The following ITGAX variants were observed in gnomAD, a reference collection of about 807,000 sequenced individuals.
The protein encoded by ITGAX is integrin alpha-X.
Under a neutral mutation model 140.2 loss-of-function variants are expected in ITGAX, and 99 were observed. The observed-to-expected ratio is 0.71, with a 90% CI of 0.60 to 0.83. The LOEUF (loss-of-function observed/expected upper bound fraction) is 0.83. ITGAX is among the 40% of genes least tolerant of loss of function. The probability of loss-of-function intolerance (pLI) is 0.00; values close to 1 mark genes in which losing one functional copy is unlikely to be tolerated. For synonymous variants in ITGAX, 631 were observed against 600.4 expected (o/e 1.05, Z -0.75); for missense variants, 1,444 against 1,482.0 (o/e 0.97, Z 0.42).
At chr16:31,377,345 C>G (rs2081030194) in intron 23 of ITGAX, 80 bp downstream of exon 23, 1 of 1,144,578 alleles carries the variant, frequency 8.7e-7, no homozygotes, top group African/African-American at 1.6e-5. Flanking sequence ...CCTTGAAACG[C>G]TGCCACAGAG....
intron 9 of ITGAX, 40 bp from the exon 10 acceptor site, chr16:31,361,795 CG>C (rs2080828854): frequency 6.2e-7 from 1 of 1,602,646 alleles, no homozygotes; most frequent in Non-Finnish European, 8.5e-7. Context: ...TGGCAAAGCC[CG>C]TCTCCCTCCC....
chr16:31,364,033 C>G (rs1157681182), intron 14 of ITGAX, among the ~76,000 whole-genome samples: 1 of 152,108 alleles, frequency 6.6e-6, no homozygotes, highest in South Asian at 2.1e-4. Context: ...CCACCAAATG[C>G]CCATCCCTGC....
rs1475516597 is a variant in ITGAX, at chr16:31,363,029, A to G, written c.1454A>G (p.Glu485Gly). 1 of 1,556,348 alleles carries G rather than the reference A, an allele frequency of 6.4e-7. No individual in the cohort carries two copies. Among genetic ancestry groups the G allele is most frequent in the Non-Finnish European group, 8.7e-7 (1 of 1,149,908 alleles). ...LVLIGAPHYYEQTRGGQVSVC... is the reference protein window; with the variant it reads ...LVLIGAPHYYGQTRGGQVSVC... ...CTCATCGGGGCCCCCCATTACTACG[A>G]GCAGACCCGAGGGGGCCAGGTGTCT... Residue 485 changes from glutamate to glycine, a missense_variant, in exon 13 of 30, where the codon GAG becomes GGG. Glu to Gly is a moderately conservative substitution (Grantham distance 98). Coordinates refer to ENST00000268296, the MANE Select transcript of ITGAX (RefSeq NM_000887.5).
Position 31,355,277 on chromosome 16 carries a change from TC to T in ITGAX, c.25del (p.Leu9SerfsTer6). The T allele has an allele frequency of 4.3e-6, 7 of 1,613,784 alleles. No homozygotes were observed. Among genetic ancestry groups the T allele is most frequent in the Non-Finnish European group, 4.2e-6 (5 of 1,179,962 alleles). On this transcript the variant is annotated frameshift_variant, in exon 1 of 30. Transcript: ENST00000268296. LOFTEE classifies it high-confidence loss of function. MTRTRAA[L>X]LLFTALATSL... Reference sequence around the variant, plus strand: ...GTCATGACCAGGACCAGGGCAGCACTCCTCCTGTTCACAGGTGAGCCTGGAC... The same window carrying T: ...GTCATGACCAGGACCAGGGCAGCACTCTCCTGTTCACAGGTGAGCCTGGAC...
rs1231120998 is a variant in ITGAX, at chr16:31,371,166, G to C, written c.1793G>C (p.Gly598Ala). The C allele has an allele frequency of 1.9e-6, 3 of 1,613,280 alleles. No homozygotes were observed. The highest frequency in any genetic ancestry group is 2.5e-6 in the Non-Finnish European group (3 of 1,179,706). ...LSGGQDLTQD[G>A]LVDLAVGARG... Reference sequence around the variant, plus strand: ...GGGGGTCAAGACCTCACCCAGGATGGACTGGTGGACCTGGCTGTGGGGGCC... The same window carrying C: ...GGGGGTCAAGACCTCACCCAGGATGCACTGGTGGACCTGGCTGTGGGGGCC... Residue 598 changes from glycine (G) to alanine (A), a missense_variant, in exon 15 of 30, where the codon GGA (glycine) becomes GCA (alanine). Gly to Ala is a moderately conservative substitution (Grantham distance 60). Coordinates refer to ENST00000268296, the MANE Select transcript of ITGAX (RefSeq NM_000887.5).
intron 17 of ITGAX, 100 bp from the exon 18 acceptor site, chr16:31,372,267 AGCTGAAGCCGC>A: frequency 7.7e-7 from 1 of 1,293,626 alleles, no homozygotes; most frequent in South Asian, 1.4e-5. Flanking sequence ...CTCTGGAGGA[AGCTGAAGCCGC>A]GCGGGAGCTG....
At chr16:31,357,699 C>T in intron 5 of ITGAX, 1 of 434,806 alleles carries the variant, frequency 2.3e-6, no homozygotes, top group Non-Finnish European at 4.0e-6. Context: ...CCATGAAGGC[C>T]AGCTGTTGTT....
intron 14 of ITGAX, among the ~76,000 whole-genome samples, chr16:31,367,147 A>G (rs964505633): frequency 5.3e-5 from 8 of 152,230 alleles, no homozygotes; most frequent in Non-Finnish European, 1.0e-4. Context: ...AGGAAGCTTC[A>G]GAAGAAAAAT....
At position 31,372,463 on chromosome 16, in the gene ITGAX, T is replaced by C; in HGVS notation, c.2246T>C (p.Leu749Pro). The change falls in exon 18 of 30, where the codon CTG (leucine) becomes CCG (proline). Residue 749 changes from leucine (L) to proline (P), a missense_variant. By Grantham distance (98) the Leu-to-Pro change is moderately conservative. Transcript: ENST00000268296. ...AAGCCCCTCCTTGCCTTCAGAAACCTGCGGCCTATGCTGGCCGCCGATGCT... is the reference window on the plus strand; with the variant it reads ...AAGCCCCTCCTTGCCTTCAGAAACCCGCGGCCTATGCTGGCCGCCGATGCT... Reference protein sequence around the residue: ...VGKPLLAFRNLRPMLAADAQR... With the variant: ...VGKPLLAFRNPRPMLAADAQR... 1 of 1,606,502 alleles carries C rather than the reference T, an allele frequency of 6.2e-7. No individual in the cohort carries two copies. The highest frequency in any genetic ancestry group is 8.5e-7 in the Non-Finnish European group (1 of 1,178,140).
intron 20 of ITGAX, 48 bp from the exon 21 acceptor site, chr16:31,376,751 A>T (rs1339383227): frequency 1.3e-6 from 2 of 1,574,722 alleles, no homozygotes; most frequent in African/African-American, 2.7e-5. Context: ...GGTTTTTGCC[A>T]TTGCTTTCAA....
At chr16:31,374,246 G>A (rs2080999375) in intron 20 of ITGAX, among the ~76,000 whole-genome samples, 1 of 151,696 alleles carries the variant, frequency 6.6e-6, no homozygotes, top group South Asian at 2.1e-4. Flanking sequence ...CTGAGATTGT[G>A]CCACTGCACT....
chr16:31,372,915 A>AAAC (rs58659724), intron 19 of ITGAX, among the ~76,000 whole-genome samples: 50,335 of 149,518 alleles, frequency 0.34, 8,864 homozygotes, highest in East Asian at 0.64. Flanking sequence ...CACAAAAACA[A>AAAC]AACAACAACA....
chr16:31,357,015 A>G lies in ITGAX; in HGVS notation c.248-16A>G, dbSNP rs1015042113. 2.5e-6 allele frequency: 4 copies of G among 1,600,714 alleles called. No individual in the cohort carries two copies. Among genetic ancestry groups the G allele is most frequent in the South Asian group, 1.1e-5 (1 of 90,426 alleles). Reference sequence around the variant, plus strand: ...TGTACCCCCGAGAGTGACCATGCACATATCTGTCCCCACAGTGCCCCCGGA... The same window carrying G: ...TGTACCCCCGAGAGTGACCATGCACGTATCTGTCCCCACAGTGCCCCCGGA... On this transcript the variant is annotated splice_polypyrimidine_tract_variant and intron_variant, in intron 3 of 29. Coordinates refer to ENST00000268296, the MANE Select transcript of ITGAX (RefSeq NM_000887.5).
At chr16:31,370,535 T>A (rs2080944638) in intron 14 of ITGAX, among the ~76,000 whole-genome samples, 1 of 152,184 alleles carries the variant, frequency 6.6e-6, no homozygotes, top group Non-Finnish European at 1.5e-5. Flanking sequence ...AGTCAGCCTC[T>A]TAAAGGCTAC....
Position 31,372,806 on chromosome 16 carries a change from C to G in ITGAX, c.2366+136C>G, listed in dbSNP as rs149808359. Reference sequence around the variant, plus strand: ...GGTGTCTTGGCTGGGCACAGTGGCTCACGCCTGTAATCCCAGCACTTTGGG... The same window carrying G: ...GGTGTCTTGGCTGGGCACAGTGGCTGACGCCTGTAATCCCAGCACTTTGGG... On this transcript the variant is annotated intron_variant, in intron 19 of 29. Coordinates refer to ENST00000268296, the MANE Select transcript of ITGAX (RefSeq NM_000887.5). 4,253 of 851,756 alleles carry G rather than the reference C, an allele frequency of 5.0e-3. 20 individuals are homozygous for G. Among genetic ancestry groups the G allele is most frequent in the Non-Finnish European group, 6.9e-3 (3,726 of 536,698 alleles). 52.8% of individuals were successfully genotyped at this position (851,756 alleles called of 1,614,324 possible). A position where few individuals can be genotyped will look rare whatever the true frequency, so the allele number is the denominator to read the frequency against.
At position 31,356,013 on chromosome 16, in the gene ITGAX, G is replaced by C. The variant is rs938454916; in HGVS notation, c.143+15G>C. On this transcript the variant is annotated intron_variant, in intron 2 of 29. Transcript: ENST00000268296. ...GCCAACTCCTGGTGAGGCCCAGGTG[G>C]TGCTGGCCTTTGGCTCCATCCATCC... The C allele has an allele frequency of 1.3e-6, 2 of 1,586,990 alleles. No individual in the cohort carries two copies. Among genetic ancestry groups the C allele is most frequent in the African/African-American group, 1.3e-5 (1 of 74,244 alleles).
Position 31,361,898 on chromosome 16 carries a change from G to A in ITGAX, c.1075G>A (p.Val359Met), listed in dbSNP as rs2080830363. 3 of 1,614,078 alleles carry A rather than the reference G, an allele frequency of 1.9e-6. No individual in the cohort carries two copies. The highest frequency in any genetic ancestry group is 1.1e-5 in the South Asian group (1 of 91,086). Residue 359 changes from valine (V) to methionine (M), a missense_variant, in exon 10 of 30, where the codon GTG becomes ATG. Physicochemically the swap from Val to Met is conservative, Grantham distance 21. Coordinates refer to ENST00000268296, the MANE Select transcript of ITGAX (RefSeq NM_000887.5). ...LEMAQEGFSA[V>M]FTPDGPVLGA... is the part of the protein sequence containing the mutation. The stretch of plus-strand genomic sequence containing the variant: ...GATGGCACAGGAGGGCTTCAGCGCT[G>A]TGTTCACACCTGTGAGTGGGGCCCC...
At chr16:31,358,422 A>C (rs1171626197) in intron 5 of ITGAX, 1 of 152,158 alleles carries the variant, frequency 6.6e-6, no homozygotes, top group Non-Finnish European at 1.5e-5. Flanking sequence ...GTGAGACCTC[A>C]TCTCTACAAA....
Position 31,365,221 on chromosome 16 carries a change from G to A in ITGAX, c.1710+1847G>A, listed in dbSNP as rs546553306. On this transcript the variant is annotated intron_variant, in intron 14 of 29. Transcript: ENST00000268296. ...GGGTGTGGGGGAAAGTCAGGGGCAT[G>A]AGGGTGACTGCTAATGGGTGTGGAG... is the stretch of plus-strand genomic sequence containing the variant. Among the ~76,000 whole-genome samples the A allele has an allele frequency of 1.1e-4, 17 of 152,292 alleles. No homozygotes were observed. In the South Asian group the frequency reaches 3.3e-3, roughly 30 times the overall value.
Sources: gnomAD v4.1 joint callset for allele counts (sites outside exome capture counted in the v4.1 genomes callset) on GRCh38, gnomAD v4.1.1 for gene constraint, MANE v1.5 for transcripts, NCBI Gene and HGNC (gene_info 2026-07-23, HGNC 2026-07-21) for gene names.